Variants in PELP1 observed in about 807,000 individuals in gnomAD.
PELP1 encodes proline, glutamate and leucine rich protein 1.
In PELP1, 32 loss-of-function variants were observed where a neutral mutation model predicts 95.5. That is an observed-to-expected ratio of 0.34 (90% CI 0.25 to 0.45). The LOEUF is 0.45. Ranked by LOEUF, PELP1 falls within the 20% of genes least tolerant of loss-of-function variation. PELP1 has a pLI of 1.00. For missense variants in PELP1, 1,358 were observed against 1,444.8 expected, an observed-to-expected ratio of 0.94 and a Z score of 0.97; for synonymous variants, 668 against 600.1, an observed-to-expected ratio of 1.11 and a Z score of -1.65.
At chr17:4,681,669 A>C (rs548984919) in intron 5 of PELP1, among the ~76,000 whole-genome samples, 1 of 151,942 alleles carries the variant, frequency 6.6e-6, no homozygotes, top group Non-Finnish European at 1.5e-5. Flanking sequence ...GCGTAGTGGT[A>C]TGCACCTGCA....
chr17:4,696,373 G>A (rs945310247), intron 1 of PELP1, among the ~76,000 whole-genome samples: 2 of 152,118 alleles, frequency 1.3e-5, no homozygotes, highest in African/African-American at 4.8e-5. Context: ...TGAGATGAGA[G>A]CATACTTCGT....
In PELP1 at chr17:4,675,184, C is replaced by T. The variant is rs1224064092; in HGVS notation, c.1169G>A (p.Arg390Gln). The change falls in exon 11 of 17, where the codon CGG (arginine) becomes CAG (glutamine). Residue 390 changes from arginine to glutamine, a missense_variant. Coordinates refer to ENST00000572293, the MANE Select transcript of PELP1 (RefSeq NM_014389.3). The surrounding 1 kb of genome is among the most constrained non-coding windows in gnomAD (Gnocchi z 4.3). ...LSALILACGS[R>Q]LLRFGILIGR... ...GATCAGGATCCCAAAGCGCAAGAGC[C>T]GGCTTCCACACCTGGGGCAGAGAAG... 4 of 1,613,484 alleles carry T rather than the reference C, an allele frequency of 2.5e-6. No homozygotes were observed. The highest frequency in any genetic ancestry group is 1.7e-6 in the Non-Finnish European group (2 of 1,179,774).
intron 16 of PELP1, 38 bp from the exon 17 acceptor site, chr17:4,671,569 AC>A (rs1427963814): frequency 1.9e-6 from 3 of 1,611,860 alleles, no homozygotes; most frequent in Admixed American, 1.7e-5. Flanking sequence ...GAATAGTCAC[AC>A]ACACATACAC....
Position 4,672,057 on chromosome 17 carries a change from T to C in PELP1, c.2934A>G (p.Pro978=). 2 of 1,562,424 alleles carry C rather than the reference T, an allele frequency of 1.3e-6. No homozygotes were observed. Among genetic ancestry groups the C allele is most frequent in the South Asian group, 2.4e-5 (2 of 83,868 alleles). The change falls in exon 16 of 17, where the codon CCA becomes CCG. Residue 978 remains proline (P), a synonymous_variant. Transcript: ENST00000572293. ...AGGEVEEGAP[P]PPTLPPALPP... is the part of the protein sequence containing the mutation. The stretch of plus-strand genomic sequence containing the variant: ...GCAGAGCTGGAGGCAGGGTTGGGGG[T>C]GGAGGTGCACCTTCTTCTACCTCCC...
chr17:4,671,280 A>T lies in PELP1; in HGVS notation c.*159T>A. 1.6e-6 allele frequency: 1 copy of T among 612,964 alleles called. No individual in the cohort carries two copies. The highest frequency in any genetic ancestry group is 2.9e-6 in the Non-Finnish European group (1 of 342,274). The allele number at this position is 612,964 out of a possible 1,614,324, so 38.0% of individuals were successfully genotyped here. Reference sequence around the variant, plus strand: ...CTCTCTGGATCGTCAAAAAGAGGACAGCTATGGAGACATCTGGGGAATACT... The same window carrying T: ...CTCTCTGGATCGTCAAAAAGAGGACTGCTATGGAGACATCTGGGGAATACT... On this transcript the variant is annotated 3_prime_UTR_variant, in exon 17 of 17. Coordinates refer to ENST00000572293, the MANE Select transcript of PELP1 (RefSeq NM_014389.3).
At chr17:4,685,986 A>G (rs1912898214) in intron 3 of PELP1, among the ~76,000 whole-genome samples, 1 of 151,878 alleles carries the variant, frequency 6.6e-6, no homozygotes, top group African/African-American at 2.4e-5. Flanking sequence ...AATCCCAGCT[A>G]CTCAGGAGGC....
chr17:4,682,654 G>C, intron 4 of PELP1, 81 bp from the exon 5 acceptor site: 1 of 1,435,352 alleles, frequency 7.0e-7, no homozygotes, highest in South Asian at 1.2e-5. Context: ...CCCCACAAGG[G>C]CCCTTCTCCA....
chr17:4,687,941 C>G (rs976658316), intron 3 of PELP1, among the ~76,000 whole-genome samples: 5 of 152,216 alleles, frequency 3.3e-5, no homozygotes, highest in Admixed American at 1.3e-4. Flanking sequence ...AAAGCATTCC[C>G]CTTGAGAACT....
At chr17:4,683,475 T>C (rs972968966) in intron 3 of PELP1, among the ~76,000 whole-genome samples, 3 of 148,056 alleles carry the variant, frequency 2.0e-5, no homozygotes, top group African/African-American at 7.4e-5. Context: ...CGCCTTGGCC[T>C]CCCAAAGTGC....
chr17:4,683,498 T>A (rs7211134), intron 3 of PELP1, among the ~76,000 whole-genome samples: 10 of 141,018 alleles, frequency 7.1e-5, no homozygotes, highest in Middle Eastern at 4.3e-3. Flanking sequence ...GGATTACAGG[T>A]GTGAGCCATC....
rs772362823 is a variant in PELP1 at position 4,703,855 on chromosome 17, G to A, written c.249+8C>T. The A allele has an allele frequency of 6.2e-7, 1 of 1,605,498 alleles. No individual in the cohort carries two copies. The highest frequency in any genetic ancestry group is 2.2e-5 in the East Asian group (1 of 44,558). On this transcript the variant is annotated splice_region_variant and intron_variant, in intron 1 of 16. Coordinates refer to ENST00000572293, the MANE Select transcript of PELP1 (RefSeq NM_014389.3). ...ACAGGGCCGCGGGCACGCGGGCCAC[G>A]GACTCACCTGGGCCCCGCCCACCGA...
chr17:4,694,833 T>C (rs184177902), intron 1 of PELP1, among the ~76,000 whole-genome samples: 92 of 147,316 alleles, frequency 6.2e-4, no homozygotes, highest in African/African-American at 2.2e-3. Flanking sequence ...TAGCCAGGCG[T>C]GGTGGTGGGC....
At chr17:4,683,396 A>AT (rs901054229) in intron 3 of PELP1, among the ~76,000 whole-genome samples, 1 of 151,254 alleles carries the variant, frequency 6.6e-6, no homozygotes, top group African/African-American at 2.4e-5. Context: ...AATTTTTTGT[A>AT]TTTTTAGTAG....
At chr17:4,676,554 G>T in intron 6 of PELP1, 47 bp from the exon 7 acceptor site, 1 of 1,605,556 alleles carries the variant, frequency 6.2e-7, no homozygotes, top group Non-Finnish European at 8.5e-7. Context: ...ATCCAGCCCA[G>T]CCACAGAACC....
At chr17:4,674,447 C>T in intron 13 of PELP1, 63 bp downstream of exon 13, 1 of 1,483,656 alleles carries the variant, frequency 6.7e-7, no homozygotes, top group Non-Finnish European at 9.3e-7. Flanking sequence ...AGGGGAGTCC[C>T]ACTAGGGGAA....
chr17:4,687,319 C>T (rs1331740088), intron 3 of PELP1, among the ~76,000 whole-genome samples: 1 of 152,018 alleles, frequency 6.6e-6, no homozygotes, highest in South Asian at 2.1e-4. Context: ...CCAAGGTGGG[C>T]AGATCATGAG....
rs1912312356 is a variant in PELP1, at chr17:4,673,267, G to A, written c.1828C>T (p.Arg610Ter). ...ACAGTTACCTCAAGGCTATCTTCTC[G>A]CTGGCCGAGGGAGAAGGCTTGCAGG... ...CALQAFSLGQ[R>*]EDSLEVSSFC... The change falls in exon 15 of 17, where the codon CGA becomes TGA. Residue 610 changes from arginine (R) to a stop codon, truncating the protein, a stop_gained. Coordinates refer to ENST00000572293, the MANE Select transcript of PELP1 (RefSeq NM_014389.3). LOFTEE classifies it high-confidence loss of function. The surrounding 1 kb of genome is among the most constrained non-coding windows in gnomAD (Gnocchi z 5.7). 1 of 1,573,728 alleles carries A rather than the reference G, an allele frequency of 6.4e-7. No individual in the cohort carries two copies. The highest frequency in any genetic ancestry group is 8.6e-7 in the Non-Finnish European group (1 of 1,159,156).
rs749794640 is a variant in PELP1 at position 4,682,790 on chromosome 17, G to A, written c.570+13C>T. 3.8e-6 allele frequency: 6 copies of A among 1,560,624 alleles called. No individual in the cohort carries two copies. Among genetic ancestry groups the A allele is most frequent in the Admixed American group, 2.0e-5 (1 of 50,900 alleles). ...CGGGGGGCCATGGGGAAGGGTCCAG[G>A]GAGACATCTCACCTCTGGCCTGAGG... is the stretch of plus-strand genomic sequence containing the variant. On this transcript the variant is annotated intron_variant, in intron 4 of 16. Coordinates refer to ENST00000572293, the MANE Select transcript of PELP1 (RefSeq NM_014389.3).
intron 1 of PELP1, among the ~76,000 whole-genome samples, chr17:4,700,994 A>T (rs1379152416): frequency 8.1e-5 from 5 of 61,720 alleles, no homozygotes; most frequent in Non-Finnish European, 1.6e-4. Flanking sequence ...AGTTCCACTA[A>T]AAAAAAAAAA....
Sources: allele counts gnomAD v4.1 joint callset (sites outside exome capture counted in the v4.1 genomes callset), GRCh38; gene constraint gnomAD v4.1.1; non-coding constraint Gnocchi (gnomAD v3.1); transcripts MANE v1.5; gene names NCBI Gene and HGNC (gene_info 2026-07-23, HGNC 2026-07-21).